TBCD: variants seen among roughly 807,000 people sequenced by gnomAD.
TBCD encodes the protein tubulin folding cofactor D.
TBCD carries 105 observed loss-of-function variants against 169.3 expected under a neutral mutation model. That is an observed-to-expected ratio of 0.62 (90% CI 0.53 to 0.73). TBCD has a LOEUF of 0.73. TBCD is among the 30% of genes least tolerant of loss of function. TBCD has a pLI of 0.00. For missense variants in TBCD, 1,444 were observed against 1,600.1 expected, an observed-to-expected ratio of 0.90 and a Z score of 1.66; for synonymous variants, 700 against 643.9, an observed-to-expected ratio of 1.09 and a Z score of -1.32.
chr17:82,853,392 AC>A (rs991569380), intron 13 of TBCD, among the ~76,000 whole-genome samples: 4 of 126,828 alleles, frequency 3.2e-5, no homozygotes, highest in Non-Finnish European at 4.9e-5. Flanking sequence ...ATCCAGCAAC[AC>A]CCCCCCTCCT....
chr17:82,830,623 G>A lies in TBCD; in HGVS notation c.1318+15689G>A, dbSNP rs145441025. The stretch of plus-strand genomic sequence containing the variant: ...TGGTCGACCGGGGAAGGCAGGCCTC[G>A]GAGCCTGGGTGTTACAGGGGTCCTT... On this transcript the variant is annotated intron_variant, in intron 13 of 38. Coordinates refer to ENST00000355528, the MANE Select transcript of TBCD (RefSeq NM_005993.5). 222 of 1,614,050 alleles carry A rather than the reference G, an allele frequency of 1.4e-4. 1 individual carries two copies. The African/African-American group carries it at 2.5e-3, about 18-fold the overall frequency.
At chr17:82,918,350 C>T (rs1238454022) in intron 23 of TBCD, 1 of 152,254 alleles carries the variant, frequency 6.6e-6, no homozygotes, top group Admixed American at 6.5e-5. Flanking sequence ...CTCACCCTGC[C>T]CCCCTGCCAC....
Position 82,884,066 on chromosome 17 carries a change from A to G in TBCD, c.1476-79A>G. 7.1e-7 allele frequency: 1 copy of G among 1,410,346 alleles called. No individual in the cohort carries two copies. Among genetic ancestry groups the G allele is most frequent in the East Asian group, 2.5e-5 (1 of 40,200 alleles). The allele number at this position is 1,410,346 out of a possible 1,614,324, so 87.4% of individuals were successfully genotyped here. On this transcript the variant is annotated intron_variant, in intron 14 of 38. Transcript: ENST00000355528. The surrounding 1 kb of genome is among the most constrained non-coding windows in gnomAD (Gnocchi z 4.2). ...TCAAGTGGGCCTGAGTCGTGAGAGA[A>G]AGGCTTTCTCATCGATACTGTGTGG...
intron 35 of TBCD, 75 bp downstream of exon 35, chr17:82,937,435 G>A (rs2062722718): frequency 4.6e-6 from 6 of 1,307,360 alleles, no homozygotes; most frequent in East Asian, 2.3e-5. Flanking sequence ...AGGAGTCCAC[G>A]GCTCCAGGCG....
Position 82,832,475 on chromosome 17 carries a change from C to T in TBCD, c.1318+17541C>T, listed in dbSNP as rs368248318. The T allele has an allele frequency of 1.4e-5, 23 of 1,602,020 alleles. 1 individual carries two copies. The highest frequency in any genetic ancestry group is 2.2e-5 in the East Asian group (1 of 44,878). On this transcript the variant is annotated intron_variant, in intron 13 of 38. Transcript: ENST00000355528. The surrounding 1 kb of genome is among the most constrained non-coding windows in gnomAD (Gnocchi z 4.9). ...CTCATTTTCCTCCTTATGCCTTGGA[C>T]TCTGGCTGTCCAGGTGGCGTGATCA... is the stretch of plus-strand genomic sequence containing the variant.
At chr17:82,878,438 T>A (rs561307305) in intron 14 of TBCD, among the ~76,000 whole-genome samples, 1 of 152,292 alleles carries the variant, frequency 6.6e-6, no homozygotes, top group South Asian at 2.1e-4. Flanking sequence ...TTTCCGCCCC[T>A]GTGGATTTGA....
intron 13 of TBCD, among the ~76,000 whole-genome samples, chr17:82,867,231 G>A (rs2057235163): frequency 6.6e-6 from 1 of 152,224 alleles, no homozygotes; most frequent in Non-Finnish European, 1.5e-5. Flanking sequence ...CTGCCAAGCA[G>A]TGTCCAGGTG....
chr17:82,803,342 G>A (rs1016075137), intron 9 of TBCD, among the ~76,000 whole-genome samples: 7 of 152,290 alleles, frequency 4.6e-5, no homozygotes, highest in Middle Eastern at 3.4e-3. Context: ...CCGGGTCTCC[G>A]GGGCCCTCTG....
At chr17:82,883,526 C>T (rs2058514626) in intron 14 of TBCD, among the ~76,000 whole-genome samples, 1 of 152,206 alleles carries the variant, frequency 6.6e-6, no homozygotes, top group Non-Finnish European at 1.5e-5. Flanking sequence ...ATGGGGGCAG[C>T]GCCTTGGCGT....
chr17:82,940,588 C>T (rs2063108164), intron 37 of TBCD, among the ~76,000 whole-genome samples: 1 of 152,168 alleles, frequency 6.6e-6, no homozygotes. Context: ...GGTGGCCTCT[C>T]CAGGGCTTCC....
intron 14 of TBCD, among the ~76,000 whole-genome samples, chr17:82,871,153 G>T (rs79586665): frequency 7.6e-4 from 115 of 151,964 alleles, no homozygotes; most frequent in African/African-American, 2.7e-3. Flanking sequence ...TCCAGTGCGC[G>T]CACCCAGCTG....
chr17:82,779,178 A>AT (rs1472867506), intron 6 of TBCD, among the ~76,000 whole-genome samples: 1 of 151,624 alleles, frequency 6.6e-6, no homozygotes, highest in Non-Finnish European at 1.5e-5. Context: ...TGCCCAGCTA[A>AT]TTTTTTAATA....
intron 6 of TBCD, among the ~76,000 whole-genome samples, chr17:82,781,245 G>C (rs1312855416): frequency 2.0e-5 from 3 of 150,372 alleles, no homozygotes; most frequent in Non-Finnish European, 4.4e-5. Flanking sequence ...GAGGAGGGAG[G>C]GGCTGAGAAG....
At chr17:82,830,760 C>T (rs777702852) in intron 13 of TBCD, 4 of 1,613,852 alleles carry the variant, frequency 2.5e-6, no homozygotes, top group South Asian at 1.1e-5. Flanking sequence ...TCTCTGATTT[C>T]TTGGAGAGGT....
chr17:82,911,160 G>A (rs2060612384), intron 22 of TBCD, among the ~76,000 whole-genome samples: 1 of 152,208 alleles, frequency 6.6e-6, no homozygotes, highest in South Asian at 2.1e-4. Context: ...TGGTGTTGGA[G>A]CCAGCATTTC....
In TBCD at chr17:82,884,070, C is replaced by T. The variant is rs570564648; in HGVS notation, c.1476-75C>T. ...GTGGGCCTGAGTCGTGAGAGAAAGG[C>T]TTTCTCATCGATACTGTGTGGTCTG... On this transcript the variant is annotated intron_variant, in intron 14 of 38. Transcript: ENST00000355528. The surrounding 1 kb of genome is among the most constrained non-coding windows in gnomAD (Gnocchi z 4.2). 3.7e-5 allele frequency: 53 copies of T among 1,424,666 alleles called. No homozygotes were observed. The South Asian group carries it at 5.9e-4, about 16-fold the overall frequency. The allele number at this position is 1,424,666 out of a possible 1,614,324, so 88.3% of individuals were successfully genotyped here. A position where few individuals can be genotyped will look rare whatever the true frequency, so the allele number is the denominator to read the frequency against.
rs532703929 is a variant in TBCD, at chr17:82,814,627, T to C, written c.1224-213T>C. 2.0e-5 allele frequency among the ~76,000 whole-genome samples: 3 copies of C among 152,360 alleles called. No homozygotes were observed. The East Asian group carries it at 5.8e-4, about 29-fold the overall frequency. ...GCCTCCCTGGTTCAAGCGATTCTCCTGCCTCAGCCTCTTGAGTAGCTGGGA... is the reference window on the plus strand; with the variant it reads ...GCCTCCCTGGTTCAAGCGATTCTCCCGCCTCAGCCTCTTGAGTAGCTGGGA... On this transcript the variant is annotated intron_variant, in intron 12 of 38. Coordinates refer to ENST00000355528, the MANE Select transcript of TBCD (RefSeq NM_005993.5).
rs1266654600 is a variant in TBCD at position 82,860,350 on chromosome 17, G to C, written c.1319-9874G>C. ...TCCCCTCTGGTGGCCTTTCGCAGTG[G>C]TGGAGGGGCAGGAACTGACTGGCTC... On this transcript the variant is annotated intron_variant, in intron 13 of 38. Transcript: ENST00000355528. The C allele has an allele frequency of 3.0e-6, 3 of 984,922 alleles. No homozygotes were observed. The East Asian group carries it at 3.4e-4, about 112-fold the overall frequency. 61.0% of individuals were successfully genotyped at this position (984,922 alleles called of 1,614,324 possible).
At chr17:82,794,828 T>C (rs1298347508) in intron 7 of TBCD, among the ~76,000 whole-genome samples, 2 of 152,260 alleles carry the variant, frequency 1.3e-5, no homozygotes, top group Admixed American at 1.3e-4. Context: ...GTGTGCTGAA[T>C]GCCCAGGAGG....
Sources: allele counts gnomAD v4.1 joint callset (sites outside exome capture counted in the v4.1 genomes callset), GRCh38; gene constraint gnomAD v4.1.1; non-coding constraint Gnocchi (gnomAD v3.1); transcripts MANE v1.5; gene names NCBI Gene and HGNC (gene_info 2026-07-23, HGNC 2026-07-21).